RBM20: variants seen among roughly 807,000 people sequenced by gnomAD.
RBM20 encodes the protein RNA-binding protein 20.
A neutral mutation model predicts 110.1 loss-of-function variants in RBM20; 51 were observed. The observed-to-expected ratio is 0.46, with a 90% CI of 0.37 to 0.59. RBM20 has a LOEUF of 0.59. Among genes scored for constraint, RBM20 ranks in the 20% least tolerant of loss-of-function variants. The probability of loss-of-function intolerance (pLI) is 0.00; values close to 1 mark genes in which losing one functional copy is unlikely to be tolerated. For missense variants in RBM20, 1,512 were observed against 1,574.9 expected (o/e 0.96, Z 0.68); for synonymous variants, 589 against 618.2 (o/e 0.95, Z 0.70).
intron 1 of RBM20, among the ~76,000 whole-genome samples, chr10:110,738,449 A>T (rs1340180269): frequency 1.3e-5 from 2 of 152,022 alleles, no homozygotes; most frequent in Non-Finnish European, 1.5e-5. Context: ...GTGGAATGTG[A>T]TGTTCCTTGC....
rs573512846 is a variant in RBM20 at position 110,688,962 on chromosome 10, GAAT to G, written c.191+44322_191+44324del. 3.2e-4 allele frequency among the ~76,000 whole-genome samples: 48 copies of G among 151,324 alleles called. 1 individual carries two copies. The highest frequency in any genetic ancestry group is 8.7e-4 in the African/African-American group (36 of 41,230). ...TTTTAATCTCCTTTACAGTTTTGAA[GAAT>G]AATAGGATCTTATAGAATGGCTTTT... is the stretch of plus-strand genomic sequence containing the variant. On this transcript the variant is annotated intron_variant, in intron 1 of 13. Transcript: ENST00000369519.
chr10:110,769,777 G>C (rs1264796664), intron 1 of RBM20, among the ~76,000 whole-genome samples: 2 of 151,590 alleles, frequency 1.3e-5, no homozygotes, highest in African/African-American at 4.9e-5. Flanking sequence ...GGAGTGCAGT[G>C]TTGGTATCAT....
At chr10:110,750,825 C>G (rs1179164753) in intron 1 of RBM20, among the ~76,000 whole-genome samples, 1 of 152,078 alleles carries the variant, frequency 6.6e-6, no homozygotes, top group Admixed American at 6.6e-5. Flanking sequence ...AAGAAATACA[C>G]CTGGGTATGG....
intron 1 of RBM20, among the ~76,000 whole-genome samples, chr10:110,679,491 G>C (rs1862390119): frequency 6.6e-6 from 1 of 152,192 alleles, no homozygotes; most frequent in African/African-American, 2.4e-5. Context: ...AAAGCACTGG[G>C]ATTAGAGGCA....
chr10:110,649,056 G>A (rs560535161), intron 1 of RBM20, among the ~76,000 whole-genome samples: 20 of 151,820 alleles, frequency 1.3e-4, no homozygotes, highest in African/African-American at 3.4e-4. Flanking sequence ...TACCTCCTTC[G>A]CAGTTTATCT....
At chr10:110,756,803 A>G (rs1256911818) in intron 1 of RBM20, 3 of 152,256 alleles carry the variant, frequency 2.0e-5, no homozygotes, top group African/African-American at 7.2e-5. Flanking sequence ...ATCATTTCAT[A>G]ATGGATACTG....
chr10:110,687,042 G>GA (rs566369908), intron 1 of RBM20, among the ~76,000 whole-genome samples: 38,442 of 114,804 alleles, frequency 0.33, 5,194 homozygotes, highest in East Asian at 0.4. Context: ...GTCTCAAAAA[G>GA]AAAAAAAAAA....
At chr10:110,751,875 T>G (rs1166551460) in intron 1 of RBM20, among the ~76,000 whole-genome samples, 5 of 152,194 alleles carry the variant, frequency 3.3e-5, no homozygotes, top group Non-Finnish European at 7.3e-5. Context: ...CACTTTTTTT[T>G]TCTTTCTGAA....
chr10:110,667,641 C>G (rs1862197329), intron 1 of RBM20, among the ~76,000 whole-genome samples: 1 of 152,160 alleles, frequency 6.6e-6, no homozygotes, highest in African/African-American at 2.4e-5. Context: ...GAACCCAGCC[C>G]CCTTTTCATC....
intron 7 of RBM20, among the ~76,000 whole-genome samples, chr10:110,805,459 GT>G (rs1261500586): frequency 2.0e-5 from 3 of 152,324 alleles, no homozygotes; most frequent in African/African-American, 7.2e-5. Context: ...CTCTTGAAGT[GT>G]GTAAAACAGG....
chr10:110,836,135 A>T lies in RBM20; in HGVS notation c.*157A>T. ...GGGCTTGTTCCCAGAGACTCAGTGA[A>T]ATGCCCCTGATATGTCTCCAGGAGC... On this transcript the variant is annotated 3_prime_UTR_variant, in exon 14 of 14. Coordinates refer to ENST00000369519, the MANE Select transcript of RBM20 (RefSeq NM_001134363.3). 2.0e-6 allele frequency: 1 copy of T among 507,830 alleles called. No individual in the cohort carries two copies. The highest frequency in any genetic ancestry group is 3.5e-6 in the Non-Finnish European group (1 of 287,524). The allele number at this position is 507,830 out of a possible 1,614,324, so 31.5% of individuals were successfully genotyped here.
intron 1 of RBM20, among the ~76,000 whole-genome samples, chr10:110,684,420 AAAAC>A (rs1469606108): frequency 2.8e-4 from 41 of 145,828 alleles, no homozygotes; most frequent in African/African-American, 6.9e-4. Flanking sequence ...AAAACAAAAC[AAAAC>A]AAAAGAAAAA....
intron 1 of RBM20, among the ~76,000 whole-genome samples, chr10:110,751,827 G>A (rs1843857393): frequency 6.6e-6 from 1 of 152,096 alleles, no homozygotes; most frequent in South Asian, 2.1e-4. Flanking sequence ...TTTTGGGAAG[G>A]AACTTGGGGG....
intron 7 of RBM20, among the ~76,000 whole-genome samples, chr10:110,802,024 T>C (rs572722687): frequency 6.6e-5 from 10 of 152,346 alleles, no homozygotes; most frequent in Admixed American, 3.3e-4. Context: ...TTCTCTTAAC[T>C]GGAGCACGTA....
chr10:110,774,470 C>T (rs1193036510), intron 1 of RBM20, among the ~76,000 whole-genome samples: 3 of 152,004 alleles, frequency 2.0e-5, no homozygotes, highest in African/African-American at 4.8e-5. Context: ...GGTGTGTGGC[C>T]TCATCTTCTC....
chr10:110,821,398 C>T lies in RBM20; in HGVS notation c.2779C>T (p.Pro927Ser). 6.4e-7 allele frequency: 1 copy of T among 1,551,706 alleles called. No individual in the cohort carries two copies. Among genetic ancestry groups the T allele is most frequent in the Non-Finnish European group, 8.7e-7 (1 of 1,147,006 alleles). ...EEDFIVEPDI[P>S]ELEEIVPIDQ... ...AGATTTTATCGTGGAACCAGACATCCCAGAGCTGGAAGAAATTGTGCCCAT... is the reference window on the plus strand; with the variant it reads ...AGATTTTATCGTGGAACCAGACATCTCAGAGCTGGAAGAAATTGTGCCCAT... The change falls in exon 11 of 14, where the codon CCA (proline) becomes TCA (serine). Residue 927 changes from proline to serine, a missense_variant. Coordinates refer to ENST00000369519, the MANE Select transcript of RBM20 (RefSeq NM_001134363.3).
chr10:110,767,481 C>A (rs1194786117), intron 1 of RBM20, among the ~76,000 whole-genome samples: 2 of 150,692 alleles, frequency 1.3e-5, no homozygotes, highest in African/African-American at 4.9e-5. Flanking sequence ...AGGGGCTCCT[C>A]ACTTCTCAGA....
chr10:110,793,595 C>G (rs1200606567), intron 5 of RBM20, among the ~76,000 whole-genome samples: 2 of 152,200 alleles, frequency 1.3e-5, no homozygotes, highest in Non-Finnish European at 2.9e-5. Flanking sequence ...AAGCCAGATA[C>G]AGAAACAGCT....
At position 110,821,634 on chromosome 10, in the gene RBM20, T is replaced by G. The variant is rs1458420419; in HGVS notation, c.3015T>G (p.Asp1005Glu). ...MDVEMPGLNLDAERKPAESET... is the reference protein window; with the variant it reads ...MDVEMPGLNLEAERKPAESET... ...TGGAAATGCCTGGCCTAAATCTGGATGCTGAGCGGAAGCCAGCTGAAAGTG... is the reference window on the plus strand; with the variant it reads ...TGGAAATGCCTGGCCTAAATCTGGAGGCTGAGCGGAAGCCAGCTGAAAGTG... Residue 1005 changes from aspartate to glutamate, a missense_variant, in exon 11 of 14, where the codon GAT becomes GAG. By Grantham distance (45) the Asp-to-Glu change is conservative. Around this residue, in one of 3 missense-constraint regions of RBM20, gnomAD observed 358 missense variants for 384.2 expected, o/e 0.93. Coordinates refer to ENST00000369519, the MANE Select transcript of RBM20 (RefSeq NM_001134363.3). 2 of 1,551,720 alleles carry G rather than the reference T, an allele frequency of 1.3e-6. No individual in the cohort carries two copies. Among genetic ancestry groups the G allele is most frequent in the Non-Finnish European group, 1.7e-6 (2 of 1,146,948 alleles).
Sources: allele counts gnomAD v4.1 joint callset (sites outside exome capture counted in the v4.1 genomes callset), GRCh38; gene constraint gnomAD v4.1.1; regional missense constraint gnomAD v4.1.1; transcripts MANE v1.5; gene names NCBI Gene and HGNC (gene_info 2026-07-23, HGNC 2026-07-21).